ZFYVE26: variants seen among roughly 807,000 people sequenced by gnomAD.
ZFYVE26 encodes the protein zinc finger FYVE-type containing 26.
A neutral mutation model predicts 276.5 loss-of-function variants in ZFYVE26; 181 were observed. That is an observed-to-expected ratio of 0.65 (90% confidence interval 0.58 to 0.74). The LOEUF is 0.74. Ranked by LOEUF, ZFYVE26 falls within the 30% of genes least tolerant of loss-of-function variation. The probability of loss-of-function intolerance (pLI) is 0.00; values close to 1 mark genes in which losing one functional copy is unlikely to be tolerated. For missense variants in ZFYVE26, 2,821 were observed against 3,097.9 expected, an observed-to-expected ratio of 0.91 and a Z score of 2.12; for synonymous variants, 1,129 against 1,203.1, an observed-to-expected ratio of 0.94 and a Z score of 1.27.
intron 23 of ZFYVE26, among the ~76,000 whole-genome samples, chr14:67,778,524 C>A (rs1291880699): frequency 6.6e-6 from 1 of 152,240 alleles, no homozygotes; most frequent in African/African-American, 2.4e-5. Flanking sequence ...AGGACATAGT[C>A]ACCCATGCTA....
chr14:67,805,701 G>T, intron 6 of ZFYVE26, 83 bp from the exon 7 acceptor site: 1 of 1,481,554 alleles, frequency 6.7e-7, no homozygotes, highest in Non-Finnish European at 9.3e-7. Flanking sequence ...AGAGAAAGAA[G>T]TATTTTAGTA....
At chr14:67,816,450 G>A in intron 1 of ZFYVE26, 84 bp downstream of exon 1, 1 of 158,150 alleles carries the variant, frequency 6.3e-6, no homozygotes, top group Non-Finnish European at 1.4e-5. Context: ...TAAGTGGAAA[G>A]CAGTGTGGGG....
At chr14:67,772,305 G>T (rs1358569711) in intron 27 of ZFYVE26, 95 bp from the exon 28 acceptor site, 6 of 1,358,168 alleles carry the variant, frequency 4.4e-6, no homozygotes, top group Non-Finnish European at 6.2e-6. Flanking sequence ...TTTACAAACC[G>T]TTATTGAAAG....
intron 27 of ZFYVE26, 51 bp downstream of exon 27, chr14:67,774,965 A>C: frequency 7.5e-7 from 1 of 1,326,004 alleles, no homozygotes; most frequent in South Asian, 1.2e-5. Context: ...GGATAGAATA[A>C]GGCAAGACTA....
At chr14:67,780,168 G>T in intron 23 of ZFYVE26, 73 bp downstream of exon 23, 2 of 1,310,852 alleles carry the variant, frequency 1.5e-6, no homozygotes, top group Non-Finnish European at 2.2e-6. Flanking sequence ...GCAGAAAGGG[G>T]CTTATACAGC....
At chr14:67,798,649 G>T (rs763540410) in intron 10 of ZFYVE26, 27 bp from the exon 11 acceptor site, 143 of 1,612,822 alleles carry the variant, frequency 8.9e-5, no homozygotes, top group Non-Finnish European at 1.2e-4. Flanking sequence ...AAGAGAAGAG[G>T]CCAGAGAAAG....
rs968882588 is a variant in ZFYVE26, at chr14:67,762,109, C to T, written c.6369+94G>A. On this transcript the variant is annotated intron_variant, in intron 34 of 41. Coordinates refer to ENST00000347230, the MANE Select transcript of ZFYVE26 (RefSeq NM_015346.4). ...GCTTGATGCTGAGCCAGGACTGACA[C>T]TGTTAGCTGAATTTCCACTGATTCT... The T allele has an allele frequency of 6.2e-6, 9 of 1,459,956 alleles. No individual in the cohort carries two copies. The African/African-American group carries it at 8.3e-5, about 14-fold the overall frequency. 90.4% of individuals were successfully genotyped at this position (1,459,956 alleles called of 1,614,324 possible). A position where few individuals can be genotyped will look rare whatever the true frequency, so the allele number is the denominator to read the frequency against.
chr14:67,814,123 T>C (rs2040353877), intron 2 of ZFYVE26, 59 bp from the exon 3 acceptor site: 1 of 1,399,102 alleles, frequency 7.1e-7, no homozygotes, highest in Non-Finnish European at 1.0e-6. Flanking sequence ...TTTCATCTTT[T>C]GTCATCCAAG....
intron 32 of ZFYVE26, 71 bp from the exon 33 acceptor site, chr14:67,762,890 C>T: frequency 6.3e-7 from 1 of 1,590,674 alleles, no homozygotes; most frequent in Admixed American, 1.7e-5. Flanking sequence ...TTAAAGGTTT[C>T]CTATTCCATT....
Position 67,799,024 on chromosome 14 carries a change from T to C in ZFYVE26, c.1640-402A>G, listed in dbSNP as rs796629408. ...GCCCTCAGATCCTGGGAAAAGTCTA[T>C]TCCGTTCCCAGTGACAAAGAACAGA... On this transcript the variant is annotated intron_variant, in intron 10 of 41. Coordinates refer to ENST00000347230, the MANE Select transcript of ZFYVE26 (RefSeq NM_015346.4). The C allele has an allele frequency of 4.3e-5, 50 of 1,165,680 alleles. No homozygotes were observed. The African/African-American group carries it at 7.3e-4, about 17-fold the overall frequency. The allele number at this position is 1,165,680 out of a possible 1,614,324, so 72.2% of individuals were successfully genotyped here. A position where few individuals can be genotyped will look rare whatever the true frequency, so the allele number is the denominator to read the frequency against.
intron 12 of ZFYVE26, chr14:67,797,022 A>G (rs1391715771): frequency 6.5e-6 from 1 of 152,878 alleles, no homozygotes; most frequent in Non-Finnish European, 1.5e-5. Flanking sequence ...TATTGTGAGG[A>G]TTAAATAAGT....
intron 13 of ZFYVE26, chr14:67,733,985 C>A: frequency 1.5e-6 from 1 of 659,830 alleles, no homozygotes; most frequent in East Asian, 3.1e-5. Flanking sequence ...CCTCTTGACC[C>A]TTCTGGGAAT....
In ZFYVE26 at chr14:67,786,135, A is replaced by T. The variant is rs112787369; in HGVS notation, c.3118T>A (p.Ser1040Thr). The T allele has an allele frequency of 0.045, 72,964 of 1,614,158 alleles. 2,189 individuals are homozygous for T. Among genetic ancestry groups the T allele is most frequent in the Admixed American group, 0.14 (8,523 of 60,016 alleles). The change falls in exon 17 of 42, where the codon TCA becomes ACA. Residue 1040 changes from serine to threonine, a missense_variant. Coordinates refer to ENST00000347230, the MANE Select transcript of ZFYVE26 (RefSeq NM_015346.4). Reference sequence around the variant, plus strand: ...TCACCTGATTTGGTTTGACTGGCTGACATAAGCAGATAATTGAGACTCTTA... The same window carrying T: ...TCACCTGATTTGGTTTGACTGGCTGTCATAAGCAGATAATTGAGACTCTTA... The part of the protein sequence containing the change: ...ISKSLNYLLM[S>T]ASQTKSESVE...
chr14:67,744,688 T>C (rs1388302208), downstream of ZFYVE26, among the ~76,000 whole-genome samples: 1 of 152,198 alleles, frequency 6.6e-6, no homozygotes, highest in Non-Finnish European at 1.5e-5. Flanking sequence ...CTTGTGTTAG[T>C]TTGCTGAGAA....
At chr14:67,734,974 A>G (rs1037226594) in intron 13 of ZFYVE26, among the ~76,000 whole-genome samples, 1 of 152,214 alleles carries the variant, frequency 6.6e-6, no homozygotes, top group African/African-American at 2.4e-5. Flanking sequence ...TCATTTAAAG[A>G]CATTTTGTTA....
chr14:67,783,323 T>G lies in ZFYVE26; in HGVS notation c.3829A>C (p.Arg1277=), dbSNP rs763707498. 1.2e-6 allele frequency: 2 copies of G among 1,612,916 alleles called. No homozygotes were observed. Among genetic ancestry groups the G allele is most frequent in the South Asian group, 1.1e-5 (1 of 91,048 alleles). The change falls in exon 21 of 42, where the codon AGG becomes CGG. Residue 1277 remains arginine (R), a synonymous_variant. Coordinates refer to ENST00000347230, the MANE Select transcript of ZFYVE26 (RefSeq NM_015346.4). ...TCCAATGTAGGGTTCTCAGTTGTCC[T>G]CGGGGAGCTCGGTGTAGAAAGTGGG... The part of the protein sequence containing the change: ...DLPLSTPSSP[R]TTENPTLERK...
intron 40 of ZFYVE26, among the ~76,000 whole-genome samples, chr14:67,751,790 G>A (rs1961561): frequency 0.032 from 4,816 of 151,950 alleles, 155 homozygotes; most frequent in African/African-American, 0.072. Flanking sequence ...GGAGAATGGC[G>A]TGAACCCAGG....
chr14:67,816,456 T>A (rs902707604), intron 1 of ZFYVE26, 78 bp downstream of exon 1: 4 of 156,340 alleles, frequency 2.6e-5, no homozygotes, highest in African/African-American at 9.7e-5. Flanking sequence ...GAAAGCAGTG[T>A]GGGGGTGGGC....
intron 23 of ZFYVE26, among the ~76,000 whole-genome samples, chr14:67,779,210 A>G (rs1049394834): frequency 5.3e-5 from 8 of 151,600 alleles, no homozygotes; most frequent in Non-Finnish European, 1.2e-4. Context: ...TATCATGTAA[A>G]TTAAAACAAC....
Sources: gnomAD v4.1 joint callset for allele counts (sites outside exome capture counted in the v4.1 genomes callset) on GRCh38, gnomAD v4.1.1 for gene constraint, MANE v1.5 for transcripts, NCBI Gene and HGNC (gene_info 2026-07-23, HGNC 2026-07-21) for gene names.